RNGTT: variants seen among roughly 807,000 people sequenced by gnomAD.
RNGTT encodes the protein RNA guanylyltransferase and 5'-phosphatase, also known as mRNA-capping enzyme.
In RNGTT, 33 loss-of-function variants were observed where a neutral mutation model predicts 79.3. The ratio of observed to expected loss-of-function variants is 0.42; its 90% confidence interval spans 0.32 to 0.56. RNGTT has a LOEUF of 0.56. Among genes scored for constraint, RNGTT ranks in the 20% least tolerant of loss-of-function variants. The probability of loss-of-function intolerance (pLI) is 0.17; values close to 1 mark genes in which losing one functional copy is unlikely to be tolerated. For missense variants in RNGTT, 497 were observed against 739.1 expected (o/e 0.67, Z 3.80); for synonymous variants, 222 against 235.9 (o/e 0.94, Z 0.54).
At chr6:88,664,178 G>A (rs1774296867) in intron 14 of RNGTT, among the ~76,000 whole-genome samples, 2 of 152,162 alleles carry the variant, frequency 1.3e-5, no homozygotes, top group African/African-American at 4.8e-5. Flanking sequence ...GTATAGGGAA[G>A]CACTCTTAGA....
At chr6:88,760,674 G>T (rs948773745) in intron 13 of RNGTT, among the ~76,000 whole-genome samples, 2 of 151,918 alleles carry the variant, frequency 1.3e-5, no homozygotes, top group Non-Finnish European at 2.9e-5. Flanking sequence ...ATAAATGAAA[G>T]AATTAAACAT....
intron 13 of RNGTT, among the ~76,000 whole-genome samples, chr6:88,742,761 G>T (rs1293206489): frequency 6.6e-6 from 1 of 152,202 alleles, no homozygotes; most frequent in African/African-American, 2.4e-5. Context: ...TTCACTTAAA[G>T]TGTAAAGGTG....
intron 1 of RNGTT, among the ~76,000 whole-genome samples, chr6:88,956,946 T>A (rs1252883208): frequency 6.6e-6 from 1 of 152,060 alleles, no homozygotes; most frequent in African/African-American, 2.4e-5. Context: ...GGCAGGAGAA[T>A]CACTTGAACC....
chr6:88,947,181 T>C (rs1488719180), intron 1 of RNGTT, among the ~76,000 whole-genome samples: 3 of 22,140 alleles, frequency 1.4e-4, no homozygotes, highest in Non-Finnish European at 1.7e-4. Context: ...CCGGCCGCCA[T>C]CCCATCTAGG....
intron 12 of RNGTT, among the ~76,000 whole-genome samples, chr6:88,775,493 G>T (rs1290372445): frequency 6.6e-6 from 1 of 152,102 alleles, no homozygotes; most frequent in Non-Finnish European, 1.5e-5. Flanking sequence ...TGAGAGGGGG[G>T]ATAAAAAGCA....
At chr6:88,687,297 C>T (rs1775313599) in intron 13 of RNGTT, among the ~76,000 whole-genome samples, 1 of 152,096 alleles carries the variant, frequency 6.6e-6, no homozygotes, top group South Asian at 2.1e-4. Flanking sequence ...TTCTGCTGGC[C>T]AGGCTGTGGA....
At chr6:88,844,036 G>C (rs751161857) in intron 11 of RNGTT, among the ~76,000 whole-genome samples, 2 of 151,534 alleles carry the variant, frequency 1.3e-5, no homozygotes, top group African/African-American at 4.8e-5. Context: ...ATGTGTAGGA[G>C]CAGGCCTAAT....
Position 88,717,176 on chromosome 6 carries a change from G to T in RNGTT, c.1440-38757C>A, listed in dbSNP as rs189627887. ...ATCTACAGCACTAGAAGAATTAAAA[G>T]ATAAATGATCATCCAAAATGAATTT... On this transcript the variant is annotated intron_variant, in intron 13 of 15. Transcript: ENST00000369485. Among the ~76,000 whole-genome samples the T allele has an allele frequency of 3.1e-3, 475 of 152,262 alleles. 1 individual carries two copies. Among genetic ancestry groups the T allele is most frequent in the Non-Finnish European group, 5.1e-3 (347 of 68,020 alleles).
rs764730378 is a variant in RNGTT at position 88,904,787 on chromosome 6, C to T, written c.612G>A (p.Glu204=). 52 of 1,613,894 alleles carry T rather than the reference C, an allele frequency of 3.2e-5. No homozygotes were observed. Among genetic ancestry groups the T allele is most frequent in the Non-Finnish European group, 4.0e-5 (47 of 1,180,012 alleles). ...CGGGTTCTGATTCCTTCTTTCCATC[C>T]TCATCCTCATCTTCGTCTTCATCAT... ...FEDDEDEDED[E]DGKKESEPGS... The change falls in exon 6 of 16, where the codon GAG becomes GAA. Residue 204 remains glutamate (E), a synonymous_variant. Coordinates refer to ENST00000369485, the MANE Select transcript of RNGTT (RefSeq NM_003800.5).
At chr6:88,919,038 C>T (rs1215824193) in intron 4 of RNGTT, among the ~76,000 whole-genome samples, 1 of 152,050 alleles carries the variant, frequency 6.6e-6, no homozygotes, top group Non-Finnish European at 1.5e-5. Flanking sequence ...TCTAATGGTT[C>T]AGTTATACAT....
At chr6:88,935,780 A>G (rs539233146) in intron 2 of RNGTT, among the ~76,000 whole-genome samples, 1 of 152,082 alleles carries the variant, frequency 6.6e-6, no homozygotes, top group Non-Finnish European at 1.5e-5. Flanking sequence ...GAGATCTTTC[A>G]CTTCCTTGGT....
intron 12 of RNGTT, among the ~76,000 whole-genome samples, chr6:88,797,990 T>A (rs1239665122): frequency 2.0e-5 from 3 of 146,656 alleles, no homozygotes; most frequent in Non-Finnish European, 4.5e-5. Context: ...CTAGGAGTAG[T>A]ACTCAGAGTG....
At chr6:88,698,188 T>C (rs796620870) in intron 13 of RNGTT, among the ~76,000 whole-genome samples, 12 of 116,362 alleles carry the variant, frequency 1.0e-4, no homozygotes, top group Non-Finnish European at 1.8e-4. Flanking sequence ...GATATATATA[T>C]GAAATATATA....
chr6:88,883,527 C>T (rs1782758964), intron 8 of RNGTT, among the ~76,000 whole-genome samples: 1 of 152,120 alleles, frequency 6.6e-6, no homozygotes, highest in South Asian at 2.1e-4. Context: ...CAGTTCCAAC[C>T]TTAGAAGACA....
At position 88,822,735 on chromosome 6, in the gene RNGTT, A is replaced by G. The variant is rs934573542; in HGVS notation, c.1270-21103T>C. 4.6e-5 allele frequency among the ~76,000 whole-genome samples: 7 copies of G among 152,316 alleles called. No homozygotes were observed. In the South Asian group the frequency reaches 1.0e-3, roughly 23 times the overall value. On this transcript the variant is annotated intron_variant, in intron 11 of 15. Transcript: ENST00000369485. Reference sequence around the variant, plus strand: ...TCAGAAAGTGTGTCTGTATCACATAAAAAGAGTGAACATTGATAGGATGGC... The same window carrying G: ...TCAGAAAGTGTGTCTGTATCACATAGAAAGAGTGAACATTGATAGGATGGC...
chr6:88,629,947 G>A (rs571113306), intron 14 of RNGTT, among the ~76,000 whole-genome samples: 1 of 152,200 alleles, frequency 6.6e-6, no homozygotes, highest in South Asian at 2.1e-4. Context: ...GATTAAGTCA[G>A]CTCAACTCCC....
intron 10 of RNGTT, among the ~76,000 whole-genome samples, chr6:88,845,197 C>T (rs1781446068): frequency 6.6e-6 from 1 of 152,074 alleles, no homozygotes; most frequent in Non-Finnish European, 1.5e-5. Flanking sequence ...GTTTAAAGTG[C>T]TAATGCTATA....
chr6:88,612,093 T>C lies in RNGTT; in HGVS notation c.*626A>G, dbSNP rs766899052. On this transcript the variant is annotated 3_prime_UTR_variant, in exon 16 of 16. Coordinates refer to ENST00000369485, the MANE Select transcript of RNGTT (RefSeq NM_003800.5). ...CTCAAAATACTTCCTTTAGAAACAA[T>C]GCAATTCACAAAAATGGAGCTTTAC... 5 of 152,526 alleles carry C rather than the reference T, an allele frequency of 3.3e-5. No homozygotes were observed. Among genetic ancestry groups the C allele is most frequent in the African/African-American group, 9.7e-5 (4 of 41,446 alleles). The allele number at this position is 152,526 out of a possible 1,614,324, so 9.4% of individuals were successfully genotyped here.
intron 11 of RNGTT, among the ~76,000 whole-genome samples, chr6:88,825,784 C>A (rs1780636607): frequency 6.6e-6 from 1 of 152,058 alleles, no homozygotes; most frequent in Admixed American, 6.6e-5. Context: ...TGATTATGAC[C>A]ATTATTTTTA....
Sources: allele counts gnomAD v4.1 joint callset (sites outside exome capture counted in the v4.1 genomes callset), GRCh38; gene constraint gnomAD v4.1.1; transcripts MANE v1.5; gene names NCBI Gene and HGNC (gene_info 2026-07-23, HGNC 2026-07-21).